GOSR2: variants seen among roughly 807,000 people sequenced by gnomAD.
The protein encoded by GOSR2 is golgi SNAP receptor complex member 2, also known as 27 kDa Golgi SNARE protein.
A neutral mutation model predicts 27.9 loss-of-function variants in GOSR2; 20 were observed. That is an observed-to-expected ratio of 0.72 (90% confidence interval 0.50 to 1.04). The LOEUF (loss-of-function observed/expected upper bound fraction) is 1.04, where lower values mean the gene tolerates loss of function less well. Ranked by LOEUF, GOSR2 falls within the 50% of genes least tolerant of loss-of-function variation. The pLI, the probability that GOSR2 is intolerant of heterozygous loss-of-function variation, is 0.00. For missense variants in GOSR2, 261 were observed against 270.5 expected (o/e 0.97, Z 0.25); for synonymous variants, 91 against 98.8 (o/e 0.92, Z 0.47).
intron 5 of GOSR2, chr17:46,936,399 A>T: frequency 1.0e-6 from 1 of 985,336 alleles, no homozygotes; most frequent in Non-Finnish European, 1.2e-6. Context: ...ACCTCTTGCC[A>T]CCCACACTGA....
chr17:46,946,482 A>AG (rs2089905057), downstream of GOSR2, among the ~76,000 whole-genome samples: 1 of 144,428 alleles, frequency 6.9e-6, no homozygotes, highest in African/African-American at 2.5e-5. Flanking sequence ...AAAAAAAAGT[A>AG]GGTGGCCTGG....
At chr17:46,974,326 C>T (rs184243872) in intron 6 of GOSR2, among the ~76,000 whole-genome samples, 1 of 152,192 alleles carries the variant, frequency 6.6e-6, no homozygotes, top group Non-Finnish European at 1.5e-5. Flanking sequence ...CAATAGACAC[C>T]GGTGGAATGA....
intron 5 of GOSR2, chr17:46,935,779 C>G: frequency 1.0e-6 from 1 of 984,360 alleles, no homozygotes; most frequent in Non-Finnish European, 1.2e-6. Flanking sequence ...AGACTCCAGC[C>G]CCTGGGAGTG....
chr17:46,935,687 A>G (rs1039404121), intron 5 of GOSR2: 2 of 990,126 alleles, frequency 2.0e-6, no homozygotes, highest in South Asian at 4.6e-5. Context: ...TAGAGCTTCT[A>G]AAGCCCGTGC....
rs78982204 is a variant in GOSR2 at position 46,960,113 on chromosome 17, A to G, written c.584-6421A>G. 7.2e-4 allele frequency among the ~76,000 whole-genome samples: 110 copies of G among 152,334 alleles called. 4 individuals are homozygous for G. The East Asian group carries it at 0.021, about 29-fold the overall frequency. On this transcript the variant is annotated intron_variant, in intron 6 of 6. Coordinates refer to the GOSR2 transcript ENST00000573224. Reference sequence around the variant, plus strand: ...ATGCCATTTCCTGAATAATATATCTACCAAAAGACTGGTATCCAAAATATG... The same window carrying G: ...ATGCCATTTCCTGAATAATATATCTGCCAAAAGACTGGTATCCAAAATATG...
intron 6 of GOSR2, among the ~76,000 whole-genome samples, chr17:46,952,309 G>A (rs1223279012): frequency 1.3e-5 from 2 of 152,222 alleles, no homozygotes; most frequent in Non-Finnish European, 1.5e-5. Context: ...TGGGTCAGCA[G>A]CCCAAAGCAG....
chr17:46,943,905 C>T (rs999641733), downstream of GOSR2, among the ~76,000 whole-genome samples: 1 of 152,140 alleles, frequency 6.6e-6, no homozygotes, highest in Admixed American at 6.5e-5. Flanking sequence ...GGCGATCCCT[C>T]GGTCTGATGG....
intron 1 of GOSR2, chr17:46,923,530 C>G: frequency 7.4e-7 from 1 of 1,345,300 alleles, no homozygotes; most frequent in Non-Finnish European, 9.5e-7. Flanking sequence ...TTGTCCAGCA[C>G]TTGTCAACTC....
chr17:46,929,236 A>T (rs1200800809), intron 1 of GOSR2, among the ~76,000 whole-genome samples: 1 of 152,170 alleles, frequency 6.6e-6, no homozygotes, highest in East Asian at 1.9e-4. Flanking sequence ...AGTTTTTATA[A>T]AATGAGGATG....
In GOSR2 at chr17:46,928,862, T is replaced by C. The variant is rs186699974; in HGVS notation, c.30-658T>C. On this transcript the variant is annotated intron_variant, in intron 1 of 5. Transcript: ENST00000640051. ...ATGATGTCTCCCTTCTTCACAGCGATGCTCAGAACTCTTTCCATCCACATA... is the reference window on the plus strand; with the variant it reads ...ATGATGTCTCCCTTCTTCACAGCGACGCTCAGAACTCTTTCCATCCACATA... 2.9e-4 allele frequency among the ~76,000 whole-genome samples: 44 copies of C among 152,332 alleles called. No individual in the cohort carries two copies. In the South Asian group the frequency reaches 8.5e-3, roughly 29 times the overall value.
chr17:46,931,239 C>T (rs773712776), intron 3 of GOSR2, 32 bp downstream of exon 3: 1 of 998,936 alleles, frequency 1.0e-6, no homozygotes, highest in Non-Finnish European at 1.6e-6. Flanking sequence ...GGCTCTGATA[C>T]TCCAGGCCCA....
chr17:46,946,461 C>CAA (rs61284512), downstream of GOSR2, among the ~76,000 whole-genome samples: 20 of 98,960 alleles, frequency 2.0e-4, no homozygotes, highest in African/African-American at 7.5e-4. Context: ...AACTCCGTCT[C>CAA]AAAAAAAAAA....
chr17:46,938,622 C>G lies in GOSR2; in HGVS notation c.501C>G (p.Asp167Glu). Residue 167 changes from aspartate (D) to glutamate (E), a missense_variant, in exon 6 of 6, where the codon GAC (aspartate) becomes GAG (glutamate). Asp to Glu is a conservative substitution (Grantham distance 45). Coordinates refer to ENST00000640051, the MANE Select transcript of GOSR2 (RefSeq NM_004287.5). ...AGGGGACTCAGAAGAAGATCCTTGA[C>G]ATTGCCAACATGCTGGGCTTGTCCA... is the stretch of plus-strand genomic sequence containing the variant. ...TLKGTQKKILDIANMLGLSNT... is the reference protein window; with the variant it reads ...TLKGTQKKILEIANMLGLSNT... The G allele has an allele frequency of 1.2e-6, 2 of 1,613,976 alleles. No individual in the cohort carries two copies. The highest frequency in any genetic ancestry group is 1.7e-6 in the Non-Finnish European group (2 of 1,179,896).
At chr17:46,962,432 A>G (rs531122190) in intron 6 of GOSR2, among the ~76,000 whole-genome samples, 1 of 152,246 alleles carries the variant, frequency 6.6e-6, no homozygotes, top group East Asian at 1.9e-4. Flanking sequence ...CTCCTCACAC[A>G]TCAAATCTGG....
Position 46,966,781 on chromosome 17 carries a change from C to A in GOSR2, c.*57C>A, listed in dbSNP as rs11079745. The A allele has an allele frequency of 0.47, 200,746 of 426,818 alleles. 48,533 individuals are homozygous for A. The highest frequency in any genetic ancestry group is 0.52 in the East Asian group (14,828 of 28,498). The allele number at this position is 426,818 out of a possible 1,614,324, so 26.4% of individuals were successfully genotyped here. A position where few individuals can be genotyped will look rare whatever the true frequency, so the allele number is the denominator to read the frequency against. ...GGAGATGACAATAGCACCTGCCTTG[C>A]AAGAATTATTTGATGTGGCCGATGA... On this transcript the variant is annotated 3_prime_UTR_variant, in exon 7 of 7. Coordinates refer to the GOSR2 transcript ENST00000573224.
rs1433213435 is a variant in GOSR2, at chr17:46,938,697, T to C, written c.576T>C (p.Phe192=). ...IEKRAFQDKY[F]MIGGMLLTCV... ...AGCGGGCTTTCCAGGACAAGTACTTTATGATAGGTGGGATGCTGCTGACCT... is the reference window on the plus strand; with the variant it reads ...AGCGGGCTTTCCAGGACAAGTACTTCATGATAGGTGGGATGCTGCTGACCT... Residue 192 remains phenylalanine (F), a synonymous_variant, in exon 6 of 6, where the codon TTT becomes TTC. Coordinates refer to ENST00000640051, the MANE Select transcript of GOSR2 (RefSeq NM_004287.5). 24 of 1,613,816 alleles carry C rather than the reference T, an allele frequency of 1.5e-5. No homozygotes were observed. The highest frequency in any genetic ancestry group is 1.9e-5 in the Non-Finnish European group (22 of 1,179,866).
Position 46,940,746 on chromosome 17 carries a change from T to C in GOSR2, c.*1986T>C. On this transcript the variant is annotated 3_prime_UTR_variant, in exon 6 of 6. Transcript: ENST00000640051. ...GGTTGGCTTTGATGAACCCTCATGC[T>C]GCACCTTCAGAGCCAGTCCTCTAGT... 1.3e-6 allele frequency: 2 copies of C among 1,572,516 alleles called. No homozygotes were observed. Among genetic ancestry groups the C allele is most frequent in the Non-Finnish European group, 1.7e-6 (2 of 1,163,560 alleles).
intron 6 of GOSR2, among the ~76,000 whole-genome samples, chr17:46,950,279 G>A (rs988344375): frequency 6.6e-6 from 1 of 152,228 alleles, no homozygotes; most frequent in Non-Finnish European, 1.5e-5. Context: ...GGTCCCCAGA[G>A]AGTGTGGACT....
At chr17:46,975,221 A>C (rs2091437040) in exon 7 of GOSR2, 1 of 152,060 alleles carries the variant, frequency 6.6e-6, no homozygotes, top group South Asian at 2.1e-4. Flanking sequence ...AGGCACAGAG[A>C]GGTTGAGCTA....
Sources: gnomAD v4.1 joint callset for allele counts (sites outside exome capture counted in the v4.1 genomes callset) on GRCh38, gnomAD v4.1.1 for gene constraint, MANE v1.5 for transcripts, NCBI Gene and HGNC (gene_info 2026-07-23, HGNC 2026-07-21) for gene names.